Variants in ABCC1 observed in about 807,000 individuals in gnomAD.
ABCC1 encodes multidrug resistance-associated protein 1.
In ABCC1, 83 loss-of-function variants were observed where a neutral mutation model predicts 172.9. That is an observed-to-expected ratio of 0.48 (90% CI 0.40 to 0.58). ABCC1 has a LOEUF of 0.58. Among genes scored for constraint, ABCC1 ranks in the 20% least tolerant of loss-of-function variants. The probability of loss-of-function intolerance (pLI) is 0.00; values close to 1 mark genes in which losing one functional copy is unlikely to be tolerated. For synonymous variants in ABCC1, 937 were observed against 825.2 expected, an observed-to-expected ratio of 1.14 and a Z score of -2.32; for missense variants, 1,817 against 2,002.7, an observed-to-expected ratio of 0.91 and a Z score of 1.77.
At chr16:16,035,007 A>G (rs1318613270) in intron 6 of ABCC1, among the ~76,000 whole-genome samples, 1 of 152,232 alleles carries the variant, frequency 6.6e-6, no homozygotes, top group African/African-American at 2.4e-5. Flanking sequence ...CGTGTTAACA[A>G]TGGTGAGTTG....
At chr16:16,083,720 C>G (rs1453849268) in intron 17 of ABCC1, among the ~76,000 whole-genome samples, 178 bp downstream of exon 17, 1 of 152,166 alleles carries the variant, frequency 6.6e-6, no homozygotes, top group African/African-American at 2.4e-5. Flanking sequence ...GTGGGTGTGG[C>G]TCAGGTCTCA....
chr16:16,016,228 A>G (rs1053009771), intron 4 of ABCC1, among the ~76,000 whole-genome samples: 1 of 134,846 alleles, frequency 7.4e-6, no homozygotes, highest in South Asian at 2.3e-4. Context: ...ATCTCGGCTC[A>G]CTGCAGCCTC....
chr16:16,106,349 G>T (rs556383327), intron 20 of ABCC1, among the ~76,000 whole-genome samples: 1 of 147,668 alleles, frequency 6.8e-6, no homozygotes, highest in South Asian at 2.1e-4. Context: ...AATGATCTAC[G>T]ATGTGCCCTT....
Position 16,016,534 on chromosome 16 carries a change from C to T in ABCC1, c.528C>T (p.Tyr176=), listed in dbSNP as rs200973377. The T allele has an allele frequency of 1.2e-5, 20 of 1,614,072 alleles. 1 individual carries two copies. Among genetic ancestry groups the T allele is most frequent in the Admixed American group, 1.2e-4 (7 of 60,010 alleles). ...QVDLFRDITF[Y]VYFSLLLIQL... ...ACCTGTTTCGTGACATCACTTTCTACGTCTACTTTTCCCTCTTACTCATTC... is the reference window on the plus strand; with the variant it reads ...ACCTGTTTCGTGACATCACTTTCTATGTCTACTTTTCCCTCTTACTCATTC... Residue 176 remains tyrosine (Y), a synonymous_variant, in exon 5 of 31, where the codon TAC becomes TAT. Transcript: ENST00000399410.
intron 8 of ABCC1, 149 bp from the exon 9 acceptor site, chr16:16,045,687 C>T: frequency 1.2e-6 from 1 of 819,790 alleles, no homozygotes. Context: ...CAGATCACCA[C>T]TGTGGACTTG....
intron 27 of ABCC1, among the ~76,000 whole-genome samples, chr16:16,133,490 G>A (rs775650358): frequency 2.8e-4 from 42 of 152,082 alleles, no homozygotes; most frequent in Middle Eastern, 6.8e-3. Flanking sequence ...TGCAACCTCC[G>A]TCCCCTGGGT....
intron 2 of ABCC1, among the ~76,000 whole-genome samples, chr16:16,008,841 T>TGA (rs1201075677): frequency 1.3e-4 from 9 of 68,336 alleles, no homozygotes; most frequent in African/African-American, 6.3e-4. Context: ...AGACTCCTTC[T>TGA]CAAAAAAAAA....
intron 1 of ABCC1, among the ~76,000 whole-genome samples, chr16:16,007,036 A>G (rs139378247): frequency 1.3e-5 from 2 of 152,240 alleles, no homozygotes; most frequent in Non-Finnish European, 1.5e-5. Context: ...GGTCAGAGTG[A>G]TCTAGATGAC....
chr16:16,068,993 TAAAAAAAA>T (rs35133979), intron 13 of ABCC1, among the ~76,000 whole-genome samples: 1 of 124,164 alleles, frequency 8.1e-6, no homozygotes, highest in East Asian at 2.3e-4. Flanking sequence ...GTCTCAAAAT[TAAAAAAAA>T]AAAAAAGAAA....
At position 16,070,557 on chromosome 16, in the gene ABCC1, C is replaced by T. The variant is rs560368483; in HGVS notation, c.1825-1085C>T. Among the ~76,000 whole-genome samples the T allele has an allele frequency of 8.6e-5, 13 of 151,260 alleles. No individual in the cohort carries two copies. In the South Asian group the frequency reaches 2.3e-3, roughly 27 times the overall value. On this transcript the variant is annotated intron_variant, in intron 13 of 30. Transcript: ENST00000399410. The stretch of plus-strand genomic sequence containing the variant: ...GCAGGTGCCTGTAGTCCCAGCTACT[C>T]GGTTGGCTGAGGCAGGAGAATGTTG...
chr16:16,020,281 C>T (rs1228232436), intron 5 of ABCC1, among the ~76,000 whole-genome samples: 6 of 152,160 alleles, frequency 3.9e-5, no homozygotes, highest in South Asian at 4.1e-4. Flanking sequence ...GTGCAGGCTG[C>T]TGCATTTCTG....
chr16:16,064,297 C>G (rs2050030763), intron 12 of ABCC1, among the ~76,000 whole-genome samples: 1 of 152,174 alleles, frequency 6.6e-6, no homozygotes, highest in Admixed American at 6.5e-5. Flanking sequence ...GAGCCCCAGT[C>G]ATTGTGCCCG....
rs533783954 is a variant in ABCC1, at chr16:16,138,526, C to T, written c.4455C>T (p.Ala1485=). 8.1e-6 allele frequency: 13 copies of T among 1,604,272 alleles called. No homozygotes were observed. In the African/African-American group the frequency reaches 1.1e-4, roughly 13 times the overall value. Residue 1485 remains alanine (A), a synonymous_variant, in exon 30 of 31, where the codon GCC becomes GCT. Coordinates refer to ENST00000399410, the MANE Select transcript of ABCC1 (RefSeq NM_004996.4). ...QFEDCTVLTI[A]HRLNTIMDYT... is the part of the protein sequence containing the mutation. ...AGGACTGCACCGTCCTCACCATCGC[C>T]CACCGGCTCAACACCATCATGGACT...
intron 12 of ABCC1, among the ~76,000 whole-genome samples, chr16:16,066,235 G>A (rs1346097667): frequency 1.3e-5 from 2 of 151,916 alleles, no homozygotes; most frequent in African/African-American, 2.4e-5. Context: ...CACCTGAAGC[G>A]CAATGGCATG....
At chr16:15,991,912 G>A (rs1462818474) in intron 1 of ABCC1, among the ~76,000 whole-genome samples, 1 of 152,008 alleles carries the variant, frequency 6.6e-6, no homozygotes, top group African/African-American at 2.4e-5. Context: ...CCAGAGCACG[G>A]ACTGGCACCA....
At chr16:15,971,769 T>G (rs1207111835) in intron 1 of ABCC1, among the ~76,000 whole-genome samples, 1 of 152,132 alleles carries the variant, frequency 6.6e-6, no homozygotes, top group Admixed American at 6.5e-5. Context: ...ATAATTTCCT[T>G]TCCTGGCCAA....
intron 23 of ABCC1, among the ~76,000 whole-genome samples, chr16:16,120,091 G>A (rs1358813750): frequency 1.3e-5 from 2 of 152,068 alleles, no homozygotes; most frequent in Admixed American, 6.6e-5. Context: ...ATTAACGCCC[G>A]TGCCGCCACC....
chr16:15,957,595 T>TTTTA (rs946014307), intron 1 of ABCC1, among the ~76,000 whole-genome samples: 1 of 152,088 alleles, frequency 6.6e-6, no homozygotes, highest in African/African-American at 2.4e-5. Context: ...TGATTTCCAA[T>TTTTA]TTTATTTATT....
chr16:16,103,354 C>A (rs559390499), intron 20 of ABCC1, among the ~76,000 whole-genome samples: 1 of 151,782 alleles, frequency 6.6e-6, no homozygotes, highest in African/African-American at 2.4e-5. Context: ...CTGAGGCGGG[C>A]GGATCACCTG....
Sources: gnomAD v4.1 joint callset for allele counts (sites outside exome capture counted in the v4.1 genomes callset) on GRCh38, gnomAD v4.1.1 for gene constraint, MANE v1.5 for transcripts, NCBI Gene and HGNC (gene_info 2026-07-23, HGNC 2026-07-21) for gene names.